The following NPAS2 variants were observed in gnomAD, a reference collection of about 807,000 sequenced individuals.
NPAS2 encodes the protein neuronal PAS domain protein 2.
A neutral mutation model predicts 107.5 loss-of-function variants in NPAS2; 23 were observed. The observed-to-expected ratio is 0.21, with a 90% CI of 0.15 to 0.30. The LOEUF (loss-of-function observed/expected upper bound fraction) is 0.30, where lower values mean the gene tolerates loss of function less well. Among genes scored for constraint, NPAS2 ranks in the 10% least tolerant of loss-of-function variants. NPAS2 has a pLI of 1.00. For missense variants in NPAS2, 756 were observed against 1,043.3 expected, an observed-to-expected ratio of 0.72 and a Z score of 3.79; for synonymous variants, 403 against 417.5, an observed-to-expected ratio of 0.97 and a Z score of 0.42.
chr2:100,975,365 T>C, intron 13 of NPAS2, 93 bp from the exon 14 acceptor site: 1 of 1,107,674 alleles, frequency 9.0e-7, no homozygotes, highest in Non-Finnish European at 1.3e-6. Flanking sequence ...AGCGAGCTCT[T>C]GTACTGTGCA....
intron 1 of NPAS2, among the ~76,000 whole-genome samples, chr2:100,842,518 G>A (rs550781369): frequency 6.6e-5 from 10 of 152,260 alleles, no homozygotes; most frequent in Non-Finnish European, 1.0e-4. Flanking sequence ...CAGGGTGTGA[G>A]TGTCAGTAAA....
chr2:100,912,257 TTA>T (rs1491115395), intron 2 of NPAS2, among the ~76,000 whole-genome samples: 57 of 40,510 alleles, frequency 1.4e-3, no homozygotes, highest in Admixed American at 2.7e-3. Context: ...TATTTATTTA[TTA>T]TTATTATTTT....
At chr2:100,982,094 C>A in intron 15 of NPAS2, 137 bp from the exon 16 acceptor site, 2 of 1,053,950 alleles carry the variant, frequency 1.9e-6, no homozygotes, top group Non-Finnish European at 2.7e-6. Flanking sequence ...CAGGACCCAG[C>A]CGTGGGCTCC....
At chr2:100,938,111 G>A (rs1340253495) in intron 5 of NPAS2, among the ~76,000 whole-genome samples, 2 of 152,210 alleles carry the variant, frequency 1.3e-5, no homozygotes, top group African/African-American at 2.4e-5. Flanking sequence ...CTTTTTCTGG[G>A]TCAGAAATGG....
In NPAS2 at chr2:100,995,529, C is replaced by T. The variant is rs1472754553; in HGVS notation, c.2422C>T (p.Arg808Ter). The change falls in exon 21 of 21, where the codon CGA (arginine) becomes TGA (stop). Residue 808 changes from arginine (R) to a stop codon, truncating the protein, a stop_gained. Coordinates refer to ENST00000335681, the MANE Select transcript of NPAS2 (RefSeq NM_002518.4). LOFTEE classifies it high-confidence loss of function. ...ACAGCCCCAGCCCCTACGTCCTCCC[C>T]GAAGGGTCAGCAGTCTGTCTGAGTC... ...PAQPQPLRPP[R>*]RVSSLSESSG... The T allele has an allele frequency of 5.0e-6, 8 of 1,612,744 alleles. No homozygotes were observed. The highest frequency in any genetic ancestry group is 1.6e-4 in the Middle Eastern group (1 of 6,074).
intron 16 of NPAS2, chr2:100,983,550 C>A (rs930639691): frequency 2.0e-5 from 3 of 152,440 alleles, no homozygotes; most frequent in Non-Finnish European, 4.4e-5. Flanking sequence ...AGAGAAGAGC[C>A]CCGCCCTGGA....
chr2:100,949,335 C>CT, intron 6 of NPAS2, 32 bp from the exon 7 acceptor site: 1 of 1,298,480 alleles, frequency 7.7e-7, no homozygotes. Context: ...CTCACGACCC[C>CT]TTTCTCTCCT....
At chr2:100,821,005 A>G in intron 1 of NPAS2, 3 of 1,282,346 alleles carry the variant, frequency 2.3e-6, no homozygotes, top group South Asian at 2.6e-5. Context: ...CCCCACCCCA[A>G]CTCCGGAGCT....
In NPAS2 at chr2:100,974,848, G is replaced by C; in HGVS notation, c.1186G>C (p.Asp396His). The change falls in exon 13 of 21, where the codon GAC becomes CAC. Residue 396 changes from aspartate (D) to histidine (H), a missense_variant. Around this residue, in one of 4 missense-constraint regions of NPAS2, gnomAD observed 496 missense variants for 594.4 expected, o/e 0.83. Transcript: ENST00000335681. ...ACCTCGGCAGCACTTTAACACACTC[G>C]ACGTGGGTGCCTCGGGCCTTAATAC... ...LEPRQHFNTL[D>H]VGASGLNTSH... The C allele has an allele frequency of 6.2e-7, 1 of 1,614,088 alleles. No individual in the cohort carries two copies. The highest frequency in any genetic ancestry group is 8.5e-7 in the Non-Finnish European group (1 of 1,179,988).
chr2:100,939,462 A>G (rs72973661), intron 5 of NPAS2, among the ~76,000 whole-genome samples: 6,380 of 152,014 alleles, frequency 0.042, 435 homozygotes, highest in African/African-American at 0.15. Flanking sequence ...CTGCACCTTG[A>G]TTTTCATCTC....
At chr2:100,902,668 C>T (rs1327459314) in intron 1 of NPAS2, among the ~76,000 whole-genome samples, 1 of 152,220 alleles carries the variant, frequency 6.6e-6, no homozygotes, top group African/African-American at 2.4e-5. Context: ...TGCTTAATGC[C>T]ACTGAGCTGG....
chr2:100,950,628 A>G (rs1421744709), intron 7 of NPAS2, among the ~76,000 whole-genome samples: 1 of 152,248 alleles, frequency 6.6e-6, no homozygotes, highest in African/African-American at 2.4e-5. Context: ...AAAGGCTCCA[A>G]CTAGATGCTA....
At chr2:100,821,261 A>G in intron 1 of NPAS2, 1 of 1,255,908 alleles carries the variant, frequency 8.0e-7, no homozygotes, top group South Asian at 1.3e-5. Context: ...TTGTTGATTA[A>G]GCAAGATGGA....
At chr2:100,964,832 C>CTTTTT in intron 8 of NPAS2, 29 bp from the exon 9 acceptor site, 26 of 1,227,732 alleles carry the variant, frequency 2.1e-5, no homozygotes, top group East Asian at 1.3e-4. Flanking sequence ...ACCCAAGCAA[C>CTTTTT]TTTTTTTTTT....
chr2:100,957,797 A>G (rs1031962389), intron 7 of NPAS2, among the ~76,000 whole-genome samples: 3 of 152,190 alleles, frequency 2.0e-5, no homozygotes, highest in South Asian at 2.1e-4. Context: ...GCGCGATGGC[A>G]GGTGCCTGTA....
intron 1 of NPAS2, among the ~76,000 whole-genome samples, chr2:100,857,024 G>A (rs868103627): frequency 6.6e-6 from 1 of 152,272 alleles, no homozygotes. Context: ...TGTCATTCCT[G>A]GCCGGGCACA....
intron 2 of NPAS2, among the ~76,000 whole-genome samples, chr2:100,915,567 G>A (rs544695558): frequency 6.6e-6 from 1 of 152,260 alleles, no homozygotes; most frequent in Middle Eastern, 3.4e-3. Flanking sequence ...TCTATGACTG[G>A]CCATGTGGAA....
chr2:100,836,084 G>C (rs1191304352), intron 1 of NPAS2, among the ~76,000 whole-genome samples: 2 of 152,220 alleles, frequency 1.3e-5, no homozygotes, highest in African/African-American at 4.8e-5. Flanking sequence ...GTTGTAAGCA[G>C]AGATGCCAGG....
intron 19 of NPAS2, among the ~76,000 whole-genome samples, chr2:100,992,273 G>A (rs1678179364): frequency 6.6e-6 from 1 of 152,200 alleles, no homozygotes; most frequent in Admixed American, 6.5e-5. Flanking sequence ...AAATTAGCCG[G>A]GTGTGGTGGC....
Sources: allele counts gnomAD v4.1 joint callset (sites outside exome capture counted in the v4.1 genomes callset), GRCh38; gene constraint gnomAD v4.1.1; regional missense constraint gnomAD v4.1.1; transcripts MANE v1.5; gene names NCBI Gene and HGNC (gene_info 2026-07-23, HGNC 2026-07-21).